Variants in NTRK2 observed in about 807,000 individuals in gnomAD.
NTRK2 encodes BDNF/NT-3 growth factors receptor.
Under a neutral mutation model 94.5 loss-of-function variants are expected in NTRK2, and 13 were observed. That is an observed-to-expected ratio of 0.14 (90% CI 0.09 to 0.22). The LOEUF (loss-of-function observed/expected upper bound fraction) is 0.22, where lower values mean the gene tolerates loss of function less well. Among genes scored for constraint, NTRK2 ranks in the 10% least tolerant of loss-of-function variants. The pLI, the probability that NTRK2 is intolerant of heterozygous loss-of-function variation, is 1.00. For synonymous variants in NTRK2, 372 were observed against 407.4 expected (o/e 0.91, Z 1.05); for missense variants, 639 against 1,071.2 (o/e 0.60, Z 5.63).
Position 84,694,959 on chromosome 9 carries a change from C to T in NTRK2, c.213-7200C>T, listed in dbSNP as rs778583182. On this transcript the variant is annotated intron_variant, in intron 2 of 18. Coordinates refer to ENST00000277120, the MANE Select transcript of NTRK2 (RefSeq NM_006180.6). Reference sequence around the variant, plus strand: ...TCAGGAGACCAAGGCGGGTGGATCACGAGGTCAGGAGATGGAGACCATCCT... The same window carrying T: ...TCAGGAGACCAAGGCGGGTGGATCATGAGGTCAGGAGATGGAGACCATCCT... Among the ~76,000 whole-genome samples, 76 of 148,764 alleles carry T rather than the reference C, an allele frequency of 5.1e-4. 1 individual carries two copies. The highest frequency in any genetic ancestry group is 2.0e-4 in the East Asian group (1 of 4,992).
chr9:84,854,564 G>A (rs1021715641), intron 12 of NTRK2, among the ~76,000 whole-genome samples: 2 of 152,086 alleles, frequency 1.3e-5, no homozygotes, highest in African/African-American at 4.8e-5. Flanking sequence ...AAGGGGTTCA[G>A]AGAAATTCTG....
intron 14 of NTRK2, among the ~76,000 whole-genome samples, chr9:84,924,228 GTAGAAAGAAAGA>G (rs1564468586): frequency 3.2e-5 from 3 of 92,424 alleles, no homozygotes; most frequent in African/African-American, 1.2e-4. Flanking sequence ...AAGAAAGAAA[GTAGAAAGAAAGA>G]AAGAAAGAAA....
At position 85,006,304 on chromosome 9, in the gene NTRK2, G is replaced by A. The variant is rs921601831; in HGVS notation, c.2173-13902G>A. 2.6e-5 allele frequency among the ~76,000 whole-genome samples: 4 copies of A among 152,308 alleles called. No individual in the cohort carries two copies. In the East Asian group the frequency reaches 7.7e-4, roughly 29 times the overall value. On this transcript the variant is annotated intron_variant, in intron 17 of 18. Transcript: ENST00000277120. ...GGCCCTTACTATAGTGGTAGGGGTG[G>A]GAGTGAGCTCCTACAGGAGGCAGTG...
At chr9:84,995,833 G>GT (rs1232595409) in intron 17 of NTRK2, among the ~76,000 whole-genome samples, 6 of 152,204 alleles carry the variant, frequency 3.9e-5, no homozygotes, top group African/African-American at 1.4e-4. Flanking sequence ...GATGCTTAAA[G>GT]TTTTTAATTC....
intron 14 of NTRK2, among the ~76,000 whole-genome samples, chr9:84,870,364 T>TATATA (rs1470777504): frequency 7.6e-6 from 1 of 131,680 alleles, no homozygotes; most frequent in African/African-American, 2.7e-5. Flanking sequence ...TATATATATA[T>TATATA]AAAACTCTGT....
intron 6 of NTRK2, among the ~76,000 whole-genome samples, chr9:84,719,742 G>A (rs2061939336): frequency 6.6e-6 from 1 of 152,070 alleles, no homozygotes; most frequent in African/African-American, 2.4e-5. Flanking sequence ...GAGTCGGCTG[G>A]GCACGGTGGC....
Position 84,945,347 on chromosome 9 carries a change from A to T in NTRK2, c.1765-3115A>T, listed in dbSNP as rs1006004136. ...AGCAGGTGATAAAAGGGTGAACAGGACACACTTCGACTGTCAAAGGCAGGA... is the reference window on the plus strand; with the variant it reads ...AGCAGGTGATAAAAGGGTGAACAGGTCACACTTCGACTGTCAAAGGCAGGA... On this transcript the variant is annotated intron_variant, in intron 15 of 18. Coordinates refer to ENST00000277120, the MANE Select transcript of NTRK2 (RefSeq NM_006180.6). 3.9e-5 allele frequency among the ~76,000 whole-genome samples: 6 copies of T among 152,288 alleles called. No homozygotes were observed. The East Asian group carries it at 7.7e-4, about 20-fold the overall frequency.
rs183015632 is a variant in NTRK2, at chr9:84,858,172, G to T, written c.1397-2868G>T. Among the ~76,000 whole-genome samples, 1,085 of 151,934 alleles carry T rather than the reference G, an allele frequency of 7.1e-3. 10 individuals carry two copies. The highest frequency in any genetic ancestry group is 0.025 in the African/African-American group (1,031 of 41,400). ...TCACCTTCCCCTTCCCCAATACCCA[G>T]TTCAGGCCACAATTCTCTCATGCCT... On this transcript the variant is annotated intron_variant, in intron 12 of 18. Coordinates refer to ENST00000277120, the MANE Select transcript of NTRK2 (RefSeq NM_006180.6).
chr9:84,945,158 G>A (rs4877891), intron 15 of NTRK2, among the ~76,000 whole-genome samples: 14 of 152,104 alleles, frequency 9.2e-5, no homozygotes, highest in African/African-American at 3.4e-4. Flanking sequence ...CTTTCACTTG[G>A]TTTCTTTTCC....
intron 17 of NTRK2, among the ~76,000 whole-genome samples, chr9:84,957,311 A>T (rs191995238): frequency 6.6e-6 from 1 of 152,314 alleles, no homozygotes; most frequent in East Asian, 1.9e-4. Context: ...CATACACTTC[A>T]TCTCCAAAGC....
rs200660472 is a variant in NTRK2 at position 84,955,534 on chromosome 9, A to T, written c.2172+17A>T. ...TACTACAGGGTGAGTAGCTGTGCAGATCAGAGACCCCAGGGACCTCTTTCC... is the reference window on the plus strand; with the variant it reads ...TACTACAGGGTGAGTAGCTGTGCAGTTCAGAGACCCCAGGGACCTCTTTCC... On this transcript the variant is annotated intron_variant, in intron 17 of 18. Transcript: ENST00000277120. 2.4e-5 allele frequency: 39 copies of T among 1,598,950 alleles called. No homozygotes were observed. Among genetic ancestry groups the T allele is most frequent in the Non-Finnish European group, 3.3e-5 (38 of 1,166,936 alleles).
intron 12 of NTRK2, among the ~76,000 whole-genome samples, chr9:84,836,169 A>G (rs940954248): frequency 1.3e-5 from 2 of 152,236 alleles, no homozygotes; most frequent in Non-Finnish European, 2.9e-5. Context: ...CATATTGTGA[A>G]CATTTTATTA....
chr9:84,756,257 A>C (rs1376735223), intron 12 of NTRK2, among the ~76,000 whole-genome samples: 1 of 152,218 alleles, frequency 6.6e-6, no homozygotes, highest in Non-Finnish European at 1.5e-5. Context: ...AGGAATAGGC[A>C]ACCATGCCTT....
At chr9:84,784,562 C>T (rs2067937489) in intron 12 of NTRK2, among the ~76,000 whole-genome samples, 2 of 152,194 alleles carry the variant, frequency 1.3e-5, no homozygotes, top group South Asian at 2.1e-4. Flanking sequence ...CATTTGGGTA[C>T]GTGTATGAAG....
chr9:84,967,341 T>C (rs1363965462), intron 17 of NTRK2, among the ~76,000 whole-genome samples: 1 of 152,212 alleles, frequency 6.6e-6, no homozygotes, highest in Non-Finnish European at 1.5e-5. Context: ...TGGCCTTCTC[T>C]GTCACTGCAT....
At chr9:84,907,837 C>T (rs527379663) in intron 14 of NTRK2, among the ~76,000 whole-genome samples, 47 of 152,060 alleles carry the variant, frequency 3.1e-4, no homozygotes, top group African/African-American at 1.1e-3. Context: ...TGTTCAAATG[C>T]CTTGTCCAAG....
chr9:84,758,319 A>G lies in NTRK2; in HGVS notation c.1396+6234A>G, dbSNP rs1209000934. On this transcript the variant is annotated intron_variant, in intron 12 of 18. Transcript: ENST00000277120. ...GCTCTAAGGTGGTAAACATATTTCT[A>G]AATATTTATTTCACTAGTTTTTTAC... Among the ~76,000 whole-genome samples the G allele has an allele frequency of 1.8e-4, 27 of 151,962 alleles. 1 individual carries two copies. Among genetic ancestry groups the G allele is most frequent in the Admixed American group, 1.8e-3 (27 of 15,246 alleles).
At chr9:85,004,409 C>G (rs1016581138) in intron 17 of NTRK2, among the ~76,000 whole-genome samples, 1 of 152,112 alleles carries the variant, frequency 6.6e-6, no homozygotes, top group Admixed American at 6.5e-5. Context: ...TTACAATCCC[C>G]AAGTCTGTGT....
intron 17 of NTRK2, among the ~76,000 whole-genome samples, chr9:85,004,047 G>GAAAAGAAA (rs1564542231): frequency 1.0e-4 from 4 of 39,832 alleles, no homozygotes; most frequent in African/African-American, 3.7e-4. Context: ...GAAAGAAAGG[G>GAAAAGAAA]AGAAAGAGAA....
Sources: gnomAD v4.1 joint callset for allele counts (sites outside exome capture counted in the v4.1 genomes callset) on GRCh38, gnomAD v4.1.1 for gene constraint, MANE v1.5 for transcripts, NCBI Gene and HGNC (gene_info 2026-07-23, HGNC 2026-07-21) for gene names.